The following GRM8 variants were observed in gnomAD, a reference collection of about 807,000 sequenced individuals.
GRM8 encodes the protein glutamate metabotropic receptor 8, also known as metabotropic glutamate receptor 8.
Under a neutral mutation model 87.2 loss-of-function variants are expected in GRM8, and 47 were observed. The observed-to-expected ratio is 0.54, with a 90% CI of 0.43 to 0.69. GRM8 has a LOEUF of 0.69. GRM8 is among the 30% of genes least tolerant of loss of function. The pLI, the probability that GRM8 is intolerant of heterozygous loss-of-function variation, is 0.00. For synonymous variants in GRM8, 396 were observed against 404.5 expected (o/e 0.98, Z 0.25); for missense variants, 1,019 against 1,139.2 (o/e 0.89, Z 1.52).
At position 126,533,085 on chromosome 7, in the gene GRM8, T is replaced by C; in HGVS notation, c.2297A>G (p.Tyr766Cys). 1 of 1,613,502 alleles carries C rather than the reference T, an allele frequency of 6.2e-7. No homozygotes were observed. The highest frequency in any genetic ancestry group is 8.5e-7 in the Non-Finnish European group (1 of 1,179,792). Residue 766 changes from tyrosine to cysteine, a missense_variant, in exon 9 of 11, where the codon TAT (tyrosine) becomes TGT (cysteine). Coordinates refer to ENST00000339582, the MANE Select transcript of GRM8 (RefSeq NM_000845.3). ...TGGGACACCTCTCGTTTTAATGGCA[T>C]AAACAGTACAAGTGACCATCAAGAG... ...SILLMVTCTVYAIKTRGVPET... is the reference protein window; with the variant it reads ...SILLMVTCTVCAIKTRGVPET...
chr7:126,896,267 T>C (rs1250079537), intron 6 of GRM8, among the ~76,000 whole-genome samples: 1 of 151,768 alleles, frequency 6.6e-6, no homozygotes, highest in Non-Finnish European at 1.5e-5. Flanking sequence ...ACAGCATAAA[T>C]AAGTCATCCT....
intron 6 of GRM8, among the ~76,000 whole-genome samples, chr7:126,833,743 A>C (rs62470217): frequency 0.09 from 13,622 of 152,182 alleles, 666 homozygotes; most frequent in Middle Eastern, 0.14. Context: ...TGGCTTCAAC[A>C]AACAAATTTG....
At chr7:126,856,543 T>G (rs931277432) in intron 6 of GRM8, among the ~76,000 whole-genome samples, 3 of 152,238 alleles carry the variant, frequency 2.0e-5, no homozygotes, top group African/African-American at 7.2e-5. Context: ...CATCGTGATA[T>G]CTTCCTTTAT....
chr7:127,170,110 G>A (rs1407720082), intron 2 of GRM8, among the ~76,000 whole-genome samples: 1 of 151,924 alleles, frequency 6.6e-6, no homozygotes, highest in African/African-American at 2.4e-5. Context: ...AATGAATCTG[G>A]GCAAAATATG....
intron 1 of GRM8, among the ~76,000 whole-genome samples, chr7:127,244,777 C>A (rs1798498200): frequency 6.6e-6 from 1 of 152,076 alleles, no homozygotes; most frequent in Admixed American, 6.6e-5. Context: ...TGAAAATATG[C>A]CCAAACACCT....
At chr7:127,035,991 A>G (rs2132343754) in intron 3 of GRM8, among the ~76,000 whole-genome samples, 1 of 152,172 alleles carries the variant, frequency 6.6e-6, no homozygotes, top group Non-Finnish European at 1.5e-5. Flanking sequence ...TTAATTACCA[A>G]CTACTGGCTT....
intron 2 of GRM8, among the ~76,000 whole-genome samples, chr7:127,187,198 T>A (rs1043362291): frequency 9.9e-5 from 15 of 152,174 alleles, no homozygotes; most frequent in African/African-American, 3.1e-4. Flanking sequence ...AACTGCCTTC[T>A]TCCTAGTGGT....
chr7:126,600,271 G>C (rs777158896), intron 8 of GRM8, among the ~76,000 whole-genome samples: 29 of 152,126 alleles, frequency 1.9e-4, no homozygotes, highest in Non-Finnish European at 3.5e-4. Flanking sequence ...CATGGGTTTG[G>C]AGTGTATGGG....
intron 6 of GRM8, among the ~76,000 whole-genome samples, chr7:126,899,376 T>G (rs971904009): frequency 2.6e-5 from 4 of 152,182 alleles, no homozygotes; most frequent in African/African-American, 9.7e-5. Context: ...ACCTTTTTAC[T>G]GCTGTTCACG....
At chr7:126,797,441 A>G (rs887820996) in intron 6 of GRM8, among the ~76,000 whole-genome samples, 1 of 152,126 alleles carries the variant, frequency 6.6e-6, no homozygotes, top group African/African-American at 2.4e-5. Context: ...TAAATCACCA[A>G]TAACATTTCC....
At position 127,229,531 on chromosome 7, in the gene GRM8, G is replaced by C. The variant is rs1797552086; in HGVS notation, c.510+13164C>G. The C allele has an allele frequency of 2.6e-5, 4 of 152,086 alleles. No individual in the cohort carries two copies. The South Asian group carries it at 8.3e-4, about 31-fold the overall frequency. 9.4% of individuals were successfully genotyped at this position (152,086 alleles called of 1,614,324 possible). A position where few individuals can be genotyped will look rare whatever the true frequency, so the allele number is the denominator to read the frequency against. Reference sequence around the variant, plus strand: ...CCTGTATCTTCCTTTCTCAGGCAGAGGAAAAATATCCAAGGATTTAAAATT... The same window carrying C: ...CCTGTATCTTCCTTTCTCAGGCAGACGAAAAATATCCAAGGATTTAAAATT... On this transcript the variant is annotated intron_variant, in intron 2 of 10. Coordinates refer to ENST00000339582, the MANE Select transcript of GRM8 (RefSeq NM_000845.3).
intron 6 of GRM8, among the ~76,000 whole-genome samples, chr7:126,881,685 G>A (rs961390874): frequency 3.3e-5 from 5 of 152,148 alleles, no homozygotes; most frequent in Non-Finnish European, 5.9e-5. Context: ...TAAGAGAACA[G>A]CCACAGACCT....
chr7:126,513,028 A>G (rs1475698825), intron 9 of GRM8: 1 of 152,156 alleles, frequency 6.6e-6, no homozygotes, highest in South Asian at 2.1e-4. Context: ...TCAAAATGTC[A>G]ACTATAAAAA....
intron 2 of GRM8, among the ~76,000 whole-genome samples, chr7:127,188,594 C>T (rs1794859098): frequency 6.6e-6 from 1 of 152,126 alleles, no homozygotes; most frequent in African/African-American, 2.4e-5. Flanking sequence ...AAGATTGTTA[C>T]TTTGTACATA....
Position 126,723,754 on chromosome 7 carries a change from T to G in GRM8, c.1357+46111A>C, listed in dbSNP as rs75512550. On this transcript the variant is annotated intron_variant, in intron 7 of 10. Coordinates refer to ENST00000339582, the MANE Select transcript of GRM8 (RefSeq NM_000845.3). ...AGAGAATTTTACAATTAGCTACATCTTTGTGTGAATCATCTAAGCAAACTC... is the reference window on the plus strand; with the variant it reads ...AGAGAATTTTACAATTAGCTACATCGTTGTGTGAATCATCTAAGCAAACTC... 4.8e-3 allele frequency among the ~76,000 whole-genome samples: 732 copies of G among 152,248 alleles called. 7 individuals are homozygous for G. Among genetic ancestry groups the G allele is most frequent in the African/African-American group, 0.017 (704 of 41,544 alleles).
At chr7:126,889,341 T>C (rs2262068) in intron 6 of GRM8, among the ~76,000 whole-genome samples, 5 of 151,916 alleles carry the variant, frequency 3.3e-5, no homozygotes, top group Non-Finnish European at 7.4e-5. Context: ...CTGGGAATTA[T>C]TAAACACAGA....
chr7:126,637,347 A>G (rs948141524), intron 7 of GRM8, among the ~76,000 whole-genome samples: 5 of 152,142 alleles, frequency 3.3e-5, no homozygotes, highest in African/African-American at 1.2e-4. Flanking sequence ...GAACAAAAAT[A>G]AGGACTCTTG....
chr7:126,610,789 T>C (rs1355569392), intron 7 of GRM8, among the ~76,000 whole-genome samples: 1 of 152,226 alleles, frequency 6.6e-6, no homozygotes, highest in Non-Finnish European at 1.5e-5. Context: ...AGATGTCTAA[T>C]ATTCTGTTTT....
At chr7:126,492,880 T>C (rs565921324) in intron 9 of GRM8, among the ~76,000 whole-genome samples, 2 of 152,196 alleles carry the variant, frequency 1.3e-5, no homozygotes, top group African/African-American at 4.8e-5. Context: ...ACATGATATA[T>C]GCATTTGAAT....
Sources: gnomAD v4.1 joint callset for allele counts (sites outside exome capture counted in the v4.1 genomes callset) on GRCh38, gnomAD v4.1.1 for gene constraint, MANE v1.5 for transcripts, NCBI Gene and HGNC (gene_info 2026-07-23, HGNC 2026-07-21) for gene names.